Variants in VPS13B observed in about 807,000 individuals in gnomAD.
VPS13B encodes the protein vacuolar protein sorting 13 homolog B, also known as intermembrane lipid transfer protein VPS13B.
VPS13B carries 285 observed loss-of-function variants against 426.4 expected under a neutral mutation model. The ratio of observed to expected loss-of-function variants is 0.67; its 90% CI spans 0.61 to 0.74. The LOEUF (loss-of-function observed/expected upper bound fraction) is 0.74. Among genes scored for constraint, VPS13B ranks in the 30% least tolerant of loss-of-function variants. The pLI, the probability that VPS13B is intolerant of heterozygous loss-of-function variation, is 0.00. For synonymous variants in VPS13B, 1,676 were observed against 1,676.4 expected (o/e 1.00, Z 0.01); for missense variants, 4,537 against 4,782.6 (o/e 0.95, Z 1.51).
chr8:99,546,061 C>T (rs1563789045), intron 30 of VPS13B, among the ~76,000 whole-genome samples: 1 of 151,912 alleles, frequency 6.6e-6, no homozygotes, highest in South Asian at 2.1e-4. Flanking sequence ...AAAATTCATA[C>T]CTTTCTTTAC....
intron 23 of VPS13B, among the ~76,000 whole-genome samples, chr8:99,450,374 C>G (rs190336153): frequency 3.0e-4 from 45 of 152,228 alleles, no homozygotes; most frequent in Admixed American, 1.8e-3. Flanking sequence ...TTTAATATTA[C>G]TCCCACCATC....
intron 19 of VPS13B, among the ~76,000 whole-genome samples, chr8:99,328,802 C>T (rs982393688): frequency 6.6e-6 from 1 of 152,072 alleles, no homozygotes; most frequent in African/African-American, 2.4e-5. Flanking sequence ...ATTTGTCCAG[C>T]TACATCCCTG....
intron 3 of VPS13B, among the ~76,000 whole-genome samples, chr8:99,073,774 C>CT (rs375151735): frequency 2.7e-3 from 192 of 71,798 alleles, no homozygotes; most frequent in African/African-American, 0.01. Flanking sequence ...TTCTTTCTTT[C>CT]TTCTTTTTTT....
At position 99,577,477 on chromosome 8, in the gene VPS13B, G is replaced by T. The variant is rs376055963; in HGVS notation, c.5077-13G>T. 1.2e-6 allele frequency: 2 copies of T among 1,613,486 alleles called. No individual in the cohort carries two copies. Among genetic ancestry groups the T allele is most frequent in the Middle Eastern group, 1.7e-4 (1 of 6,060 alleles). On this transcript the variant is annotated splice_polypyrimidine_tract_variant and intron_variant, in intron 32 of 61. Coordinates refer to ENST00000357162, the MANE Select transcript of VPS13B (RefSeq NM_152564.5). ...CATGTTTCTTTATCTGTATTCTACC[G>T]TTTTTGCTTCAGGAGATTTTAGTGT... is the stretch of plus-strand genomic sequence containing the variant.
chr8:99,227,624 G>A (rs1373884209), intron 17 of VPS13B, among the ~76,000 whole-genome samples: 1 of 152,060 alleles, frequency 6.6e-6, no homozygotes, highest in Admixed American at 6.5e-5. Flanking sequence ...GCTGAATGAA[G>A]TTCAGTTTTA....
intron 51 of VPS13B, 106 bp from the exon 52 acceptor site, chr8:99,832,259 CAAAA>C (rs68156520): frequency 1.7e-6 from 2 of 1,161,082 alleles, no homozygotes; most frequent in African/African-American, 3.6e-5. Flanking sequence ...GAGACTGTCT[CAAAA>C]AAAAAAAAGA....
At chr8:99,820,809 T>C (rs1388937017) in intron 49 of VPS13B, among the ~76,000 whole-genome samples, 1 of 152,164 alleles carries the variant, frequency 6.6e-6, no homozygotes, top group African/African-American at 2.4e-5. Context: ...AGAATCCTTT[T>C]TTGAGCTCCA....
intron 37 of VPS13B, among the ~76,000 whole-genome samples, chr8:99,718,249 A>T (rs1043421721): frequency 4.8e-5 from 7 of 146,918 alleles, no homozygotes; most frequent in Admixed American, 1.4e-4. Context: ...AATGTTTTTT[A>T]TTTTTTTTTT....
At chr8:99,255,002 C>G (rs569375735) in intron 17 of VPS13B, among the ~76,000 whole-genome samples, 2 of 151,992 alleles carry the variant, frequency 1.3e-5, no homozygotes, top group Non-Finnish European at 2.9e-5. Context: ...AAAGGTAGAT[C>G]TTTTATCTAA....
At chr8:99,749,039 A>C (rs1053425877) in intron 39 of VPS13B, among the ~76,000 whole-genome samples, 14 of 152,028 alleles carry the variant, frequency 9.2e-5, no homozygotes, top group Non-Finnish European at 2.9e-5. Context: ...GAGTATATTC[A>C]TGTTTATCAG....
At position 99,275,254 on chromosome 8, in the gene VPS13B, G is replaced by A. The variant is rs370336663; in HGVS notation, c.2824G>A (p.Gly942Ser). ...ATATATTGACTACTGCCACAATTCC[G>A]GTAAGTACAAACCTATCATTATTCC... is the stretch of plus-strand genomic sequence containing the variant. The part of the protein sequence containing the change: ...PQYIDYCHNS[G>S]AVLLCSIQGL... Residue 942 changes from glycine to serine, a missense_variant and splice_region_variant, in exon 19 of 62, where the codon GGT becomes AGT. By Grantham distance (56) the Gly-to-Ser change is moderately conservative (BLOSUM62 0). This residue lies in a region of VPS13B where 4,311 missense variants were observed against 4,474.3 expected (regional missense o/e 0.96). Transcript: ENST00000357162. 46 of 1,607,630 alleles carry A rather than the reference G, an allele frequency of 2.9e-5. No individual in the cohort carries two copies. Among genetic ancestry groups the A allele is most frequent in the African/African-American group, 6.8e-5 (5 of 73,810 alleles).
Position 99,520,958 on chromosome 8 carries a change from C to T in VPS13B, c.4693C>T (p.Pro1565Ser). 2 of 1,613,718 alleles carry T rather than the reference C, an allele frequency of 1.2e-6. No homozygotes were observed. Among genetic ancestry groups the T allele is most frequent in the Non-Finnish European group, 1.7e-6 (2 of 1,179,720 alleles). Residue 1565 changes from proline (P) to serine (S), a missense_variant, in exon 30 of 62, where the codon CCC becomes TCC. Coordinates refer to ENST00000357162, the MANE Select transcript of VPS13B (RefSeq NM_152564.5). The stretch of plus-strand genomic sequence containing the variant: ...GAAGATTGGCTCTGTTGCCATGGCT[C>T]CCCAGGCTGACAATCCCCTTGGCAG... ...VLKIGSVAMA[P>S]QADNPLGRSV...
chr8:99,147,653 A>G (rs1404725680), intron 13 of VPS13B, among the ~76,000 whole-genome samples, 188 bp from the exon 14 acceptor site: 1 of 152,214 alleles, frequency 6.6e-6, no homozygotes, highest in Non-Finnish European at 1.5e-5. Flanking sequence ...TATAACAAAG[A>G]TACATTTACA....
chr8:99,599,433 A>G (rs1827180494), intron 33 of VPS13B, among the ~76,000 whole-genome samples: 1 of 152,106 alleles, frequency 6.6e-6, no homozygotes, highest in South Asian at 2.1e-4. Flanking sequence ...TTTGTGCAGA[A>G]GGAGGAAAGT....
At chr8:99,779,640 A>G (rs938145470) in intron 42 of VPS13B, among the ~76,000 whole-genome samples, 5 of 152,162 alleles carry the variant, frequency 3.3e-5, no homozygotes, top group African/African-American at 9.7e-5. Flanking sequence ...CAAACCAAAA[A>G]AAGGGATGAA....
At chr8:99,868,592 G>A in intron 59 of VPS13B, 127 bp downstream of exon 59, 3 of 1,126,462 alleles carry the variant, frequency 2.7e-6, no homozygotes, top group Non-Finnish European at 3.9e-6. Context: ...ACCTCTCTAT[G>A]CTTATTTACA....
At chr8:99,269,990 A>AATTATGAC (rs1818489490) in intron 17 of VPS13B, among the ~76,000 whole-genome samples, 1 of 151,980 alleles carries the variant, frequency 6.6e-6, no homozygotes, top group Non-Finnish European at 1.5e-5. Context: ...CTTAAGGAGA[A>AATTATGAC]ATTATGACAT....
At chr8:99,415,934 T>G (rs115406718) in intron 21 of VPS13B, among the ~76,000 whole-genome samples, 1 of 152,158 alleles carries the variant, frequency 6.6e-6, no homozygotes, top group African/African-American at 2.4e-5. Context: ...TTAGCAGAGC[T>G]CACACACTGT....
At chr8:99,292,309 A>T (rs537373901) in intron 19 of VPS13B, among the ~76,000 whole-genome samples, 2 of 152,302 alleles carry the variant, frequency 1.3e-5, no homozygotes, top group East Asian at 3.9e-4. Flanking sequence ...AGAAGCAGTC[A>T]TGCCCTACTT....
Sources: allele counts gnomAD v4.1 joint callset (sites outside exome capture counted in the v4.1 genomes callset), GRCh38; gene constraint gnomAD v4.1.1; regional missense constraint gnomAD v4.1.1; transcripts MANE v1.5; gene names NCBI Gene and HGNC (gene_info 2026-07-23, HGNC 2026-07-21).